Variants in EIF3D observed in about 807,000 individuals in gnomAD.
EIF3D encodes the protein eukaryotic translation initiation factor 3 subunit D.
A neutral mutation model predicts 75.4 loss-of-function variants in EIF3D; 10 were observed. The ratio of observed to expected loss-of-function variants is 0.13; its 90% CI spans 0.08 to 0.22. The LOEUF (loss-of-function observed/expected upper bound fraction) is 0.22, where lower values mean the gene tolerates loss of function less well. EIF3D is among the 10% of genes least tolerant of loss of function. EIF3D has a pLI of 1.00. For synonymous variants in EIF3D, 246 were observed against 248.3 expected (o/e 0.99, Z 0.09); for missense variants, 394 against 708.0 (o/e 0.56, Z 5.03).
chr22:36,523,008 C>T (rs1934538922), intron 6 of EIF3D: 1 of 521,866 alleles, frequency 1.9e-6, no homozygotes, highest in Admixed American at 3.1e-5. Flanking sequence ...CAGATCAAGA[C>T]AGGGTGACTG....
At chr22:36,524,855 T>TA in intron 3 of EIF3D, 123 bp from the exon 4 acceptor site, 2 of 1,254,982 alleles carry the variant, frequency 1.6e-6, no homozygotes, top group South Asian at 1.3e-5. Context: ...GAAAGCTTGT[T>TA]AGACACACAG....
In EIF3D at chr22:36,516,496, G is replaced by C. The variant is rs1555888460; in HGVS notation, c.1188C>G (p.Leu396=). The change falls in exon 12 of 15, where the codon CTC becomes CTG. Residue 396 remains leucine (L), a synonymous_variant. Coordinates refer to ENST00000216190, the MANE Select transcript of EIF3D (RefSeq NM_003753.4). ...GGCTCACCCTGGAATCCCACTCATT[G>C]AGTGTCTTGATGTTGATGAAGGACA... ...GEVSFINIKT[L]NEWDSRHCNG... The C allele has an allele frequency of 6.2e-7, 1 of 1,613,980 alleles. No homozygotes were observed. Among genetic ancestry groups the C allele is most frequent in the Non-Finnish European group, 8.5e-7 (1 of 1,179,954 alleles).
At chr22:36,518,483 T>C (rs1302938290) in intron 9 of EIF3D, among the ~76,000 whole-genome samples, 1 of 132,138 alleles carries the variant, frequency 7.6e-6, no homozygotes, top group African/African-American at 2.8e-5. Flanking sequence ...AGTGAGACTC[T>C]CTGTCTCAAT....
intron 1 of EIF3D, among the ~76,000 whole-genome samples, 168 bp from the exon 2 acceptor site, chr22:36,526,299 T>G (rs1177740562): frequency 1.3e-5 from 2 of 152,226 alleles, no homozygotes; most frequent in Non-Finnish European, 2.9e-5. Context: ...AATTATACTG[T>G]GAATATGTAC....
rs530490744 is a variant in EIF3D at position 36,521,483 on chromosome 22, C to G, written c.466-795G>C. ...TTACATGTGTTCTGTTCTCAGAATG[C>G]CCACACAAGCACACGCAGGTGAACG... On this transcript the variant is annotated intron_variant, in intron 6 of 14. Transcript: ENST00000216190. 1.1e-4 allele frequency among the ~76,000 whole-genome samples: 17 copies of G among 152,258 alleles called. No homozygotes were observed. In the South Asian group the frequency reaches 3.5e-3, roughly 32 times the overall value.
chr22:36,514,084 G>C (rs893949751), intron 12 of EIF3D, among the ~76,000 whole-genome samples: 1 of 150,742 alleles, frequency 6.6e-6, no homozygotes, highest in African/African-American at 2.5e-5. Context: ...TTTGCTAACA[G>C]CAAAACAGAA....
intron 1 of EIF3D, chr22:36,526,779 G>A (rs970790945): frequency 6.6e-6 from 1 of 152,192 alleles, no homozygotes; most frequent in Non-Finnish European, 1.5e-5. Context: ...AGTGGAGACA[G>A]GGTTTCACCA....
chr22:36,516,696 G>A lies in EIF3D; in HGVS notation c.1076+9C>T. On this transcript the variant is annotated intron_variant, in intron 11 of 14. Transcript: ENST00000216190. ...TCTGGCCACAATACCCACCAGAGAG[G>A]TGACCTACCGGTACGCAACAGAGGC... 1.2e-6 allele frequency: 2 copies of A among 1,614,190 alleles called. No individual in the cohort carries two copies. Among genetic ancestry groups the A allele is most frequent in the South Asian group, 1.1e-5 (1 of 91,082 alleles).
Position 36,529,166 on chromosome 22 carries a change from G to A in EIF3D, c.-101C>T, listed in dbSNP as rs922934898. On this transcript the variant is annotated 5_prime_UTR_variant, in exon 1 of 15. Coordinates refer to ENST00000216190, the MANE Select transcript of EIF3D (RefSeq NM_003753.4). ...GCACTCTTGAGAAACCAGGAAAAGA[G>A]GAAACATGCGCGCGCAGCGGGCGCC... 2.5e-5 allele frequency: 10 copies of A among 397,986 alleles called. No individual in the cohort carries two copies. The highest frequency in any genetic ancestry group is 6.3e-4 in the Middle Eastern group (1 of 1,586). 24.7% of individuals were successfully genotyped at this position (397,986 alleles called of 1,614,324 possible). A position where few individuals can be genotyped will look rare whatever the true frequency, so the allele number is the denominator to read the frequency against.
intron 12 of EIF3D, chr22:36,512,864 C>T (rs1266160581): frequency 9.8e-6 from 3 of 307,412 alleles, no homozygotes. Flanking sequence ...CACGGACACA[C>T]ACACACACAC....
rs906159944 is a variant in EIF3D at position 36,511,383 on chromosome 22, A to C, written c.1633+120T>G. 4.0e-5 allele frequency: 61 copies of C among 1,523,034 alleles called. No homozygotes were observed. The East Asian group carries it at 1.3e-3, about 33-fold the overall frequency. The allele number at this position is 1,523,034 out of a possible 1,614,324, so 94.3% of individuals were successfully genotyped here. ...GGAGCCAAAGTGAATGCTTCTTCAT[A>C]CTTAAGTCTCAGGGAATTCTCGAAG... is the stretch of plus-strand genomic sequence containing the variant. On this transcript the variant is annotated intron_variant, in intron 14 of 14. Coordinates refer to ENST00000216190, the MANE Select transcript of EIF3D (RefSeq NM_003753.4).
At position 36,525,980 on chromosome 22, in the gene EIF3D, C is replaced by T. The variant is rs1339927230; in HGVS notation, c.123+19G>A. On this transcript the variant is annotated intron_variant, in intron 2 of 14. Transcript: ENST00000216190. ...AGCCACAGCTGCAAAGATTCAGACT[C>T]CTGCTGACAGGCATGTACCTTTCCT... 2 of 1,593,286 alleles carry T rather than the reference C, an allele frequency of 1.3e-6. No individual in the cohort carries two copies. The highest frequency in any genetic ancestry group is 1.4e-5 in the African/African-American group (1 of 73,988).
intron 13 of EIF3D, 128 bp from the exon 14 acceptor site, chr22:36,511,914 G>GTT (rs1934345214): frequency 7.7e-7 from 1 of 1,294,304 alleles, no homozygotes; most frequent in African/African-American, 1.6e-5. Context: ...TTTTTGAGAC[G>GTT]GAGTCTGGCT....
Position 36,516,619 on chromosome 22 carries a change from A to G in EIF3D, c.1077-12T>C. ...TCCACCTGCGGTAACTGCAGCAAAA[A>G]AGAAACTCATGTGGTCACTGGGGAT... On this transcript the variant is annotated splice_polypyrimidine_tract_variant and intron_variant, in intron 11 of 14. Transcript: ENST00000216190. The G allele has an allele frequency of 1.2e-6, 2 of 1,613,986 alleles. No homozygotes were observed. Among genetic ancestry groups the G allele is most frequent in the Non-Finnish European group, 1.7e-6 (2 of 1,179,850 alleles).
rs764589961 is a variant in EIF3D, at chr22:36,520,708, G to C, written c.466-20C>G. On this transcript the variant is annotated intron_variant, in intron 6 of 14. Transcript: ENST00000216190. ...GGGTTTCTGCAGTTGAAAACCATTA[G>C]AGGAAAAAAAAGTTATAGTCCATAC... 3 of 1,558,386 alleles carry C rather than the reference G, an allele frequency of 1.9e-6. No homozygotes were observed. The South Asian group carries it at 3.4e-5, about 18-fold the overall frequency.
chr22:36,524,325 G>A (rs1333376286), intron 4 of EIF3D, among the ~76,000 whole-genome samples: 5 of 152,136 alleles, frequency 3.3e-5, no homozygotes, highest in African/African-American at 1.2e-4. Flanking sequence ...ACAGGCACAG[G>A]TGCACCTTCT....
At chr22:36,514,756 A>G (rs1934397128) in intron 12 of EIF3D, among the ~76,000 whole-genome samples, 1 of 152,108 alleles carries the variant, frequency 6.6e-6, no homozygotes. Context: ...CTTTTCTTTC[A>G]GAACCTCCAG....
chr22:36,524,358 C>T (rs1039961505), intron 4 of EIF3D, among the ~76,000 whole-genome samples: 1 of 152,182 alleles, frequency 6.6e-6, no homozygotes, highest in Non-Finnish European at 1.5e-5. Flanking sequence ...ATGTTTTTAG[C>T]ATACAAGTCT....
intron 3 of EIF3D, 40 bp downstream of exon 3, chr22:36,525,624 C>A: frequency 6.2e-7 from 1 of 1,604,994 alleles, no homozygotes; most frequent in South Asian, 1.1e-5. Flanking sequence ...ACAACTTTCC[C>A]AAGGCCCTGA....
Sources: gnomAD v4.1 joint callset for allele counts (sites outside exome capture counted in the v4.1 genomes callset) on GRCh38, gnomAD v4.1.1 for gene constraint, MANE v1.5 for transcripts, NCBI Gene and HGNC (gene_info 2026-07-23, HGNC 2026-07-21) for gene names.